PLEKHM3: variants seen among roughly 807,000 people sequenced by gnomAD.
PLEKHM3 encodes pleckstrin homology domain-containing family M member 3.
A neutral mutation model predicts 81.8 loss-of-function variants in PLEKHM3; 45 were observed. The observed-to-expected ratio is 0.55, with a 90% CI of 0.43 to 0.71. The LOEUF (loss-of-function observed/expected upper bound fraction) is 0.71. Among genes scored for constraint, PLEKHM3 ranks in the 30% least tolerant of loss-of-function variants. The pLI is 0.00. For missense variants in PLEKHM3, 788 were observed against 924.3 expected, an observed-to-expected ratio of 0.85 and a Z score of 1.91; for synonymous variants, 352 against 356.4, an observed-to-expected ratio of 0.99 and a Z score of 0.14.
intron 6 of PLEKHM3, among the ~76,000 whole-genome samples, chr2:207,894,562 G>A (rs1688158274): frequency 6.7e-6 from 1 of 149,234 alleles, no homozygotes; most frequent in Non-Finnish European, 1.5e-5. Context: ...AAATGGTGGT[G>A]GTTGGGGTGG....
rs77885129 is a variant in PLEKHM3 at position 207,891,111 on chromosome 2, G to A, written c.1950+17403C>T. Among the ~76,000 whole-genome samples the A allele has an allele frequency of 1.3e-3, 192 of 152,272 alleles. 1 individual carries two copies. In the East Asian group the frequency reaches 0.032, roughly 26 times the overall value. ...AAATAAATGTCAAATTGTTCATGTA[G>A]GAAACACCCTTTGTAACATTTCAGA... is the stretch of plus-strand genomic sequence containing the variant. On this transcript the variant is annotated intron_variant, in intron 6 of 7. Coordinates refer to ENST00000427836, the MANE Select transcript of PLEKHM3 (RefSeq NM_001080475.3).
At chr2:207,945,707 G>T (rs1278787109) in intron 4 of PLEKHM3, among the ~76,000 whole-genome samples, 1 of 152,140 alleles carries the variant, frequency 6.6e-6, no homozygotes, top group South Asian at 2.1e-4. Context: ...TTTGAGACCA[G>T]CCTGGGGAAC....
At chr2:207,987,265 C>G (rs1035732599) in intron 2 of PLEKHM3, among the ~76,000 whole-genome samples, 3 of 152,098 alleles carry the variant, frequency 2.0e-5, no homozygotes, top group African/African-American at 7.2e-5. Flanking sequence ...CAAACACCTA[C>G]CAGCCCTACT....
At chr2:207,966,953 G>C (rs1690936736) in intron 3 of PLEKHM3, among the ~76,000 whole-genome samples, 1 of 152,004 alleles carries the variant, frequency 6.6e-6, no homozygotes. Context: ...CTTCTTTATG[G>C]ATCTGTTTTG....
rs188486466 is a variant in PLEKHM3 at position 207,944,768 on chromosome 2, T to C, written c.1692+1599A>G. Reference sequence around the variant, plus strand: ...TCCAAGCAATAGCCAGACCCTCCTATTGTTCACGCAATTCCATCATTCTTA... The same window carrying C: ...TCCAAGCAATAGCCAGACCCTCCTACTGTTCACGCAATTCCATCATTCTTA... On this transcript the variant is annotated intron_variant, in intron 4 of 7. Coordinates refer to ENST00000427836, the MANE Select transcript of PLEKHM3 (RefSeq NM_001080475.3). Among the ~76,000 whole-genome samples, 3 of 152,324 alleles carry C rather than the reference T, an allele frequency of 2.0e-5. No homozygotes were observed. In the East Asian group the frequency reaches 5.8e-4, roughly 29 times the overall value.
intron 2 of PLEKHM3, among the ~76,000 whole-genome samples, chr2:207,995,943 T>C (rs1198586352): frequency 6.6e-6 from 1 of 152,180 alleles, no homozygotes. Context: ...AGAGAAAAGT[T>C]GAAAACGTTA....
At position 207,930,939 on chromosome 2, in the gene PLEKHM3, C is replaced by A; in HGVS notation, c.1873G>T (p.Asp625Tyr). The change falls in exon 5 of 8, where the codon GAT (aspartate) becomes TAT (tyrosine). Residue 625 changes from aspartate to tyrosine, a missense_variant. Physicochemically the swap from Asp to Tyr is radical, Grantham distance 160. Transcript: ENST00000427836. The stretch of plus-strand genomic sequence containing the variant: ...TATGACTCTTACCTGCGGCGGAGAT[C>A]CTCTGCCACCGCTGCCCGGCAGCTG... ...LFSCRAAVAEDLRRRIFPREY... is the reference protein window; with the variant it reads ...LFSCRAAVAEYLRRRIFPREY... The A allele has an allele frequency of 6.2e-7, 1 of 1,612,998 alleles. No individual in the cohort carries two copies. Among genetic ancestry groups the A allele is most frequent in the Non-Finnish European group, 8.5e-7 (1 of 1,179,092 alleles).
chr2:207,834,943 GTTT>G (rs1206255117), intron 7 of PLEKHM3, among the ~76,000 whole-genome samples: 1 of 140,138 alleles, frequency 7.1e-6, no homozygotes, highest in Non-Finnish European at 1.6e-5. Flanking sequence ...TCAACAACTT[GTTT>G]TTTTTTTTTT....
chr2:207,950,408 C>T (rs1031110878), intron 3 of PLEKHM3, among the ~76,000 whole-genome samples: 4 of 152,186 alleles, frequency 2.6e-5, no homozygotes, highest in South Asian at 2.1e-4. Flanking sequence ...ACAAAATAAA[C>T]GTGTTAGCTT....
chr2:207,924,191 T>C (rs1689307234), intron 5 of PLEKHM3, among the ~76,000 whole-genome samples: 1 of 151,580 alleles, frequency 6.6e-6, no homozygotes, highest in Admixed American at 6.6e-5. Context: ...AAGTGTGAGC[T>C]GCTGCGCCTG....
chr2:207,942,946 A>G (rs1399346205), intron 4 of PLEKHM3, among the ~76,000 whole-genome samples: 1 of 152,188 alleles, frequency 6.6e-6, no homozygotes, highest in Non-Finnish European at 1.5e-5. Context: ...GACAAGACAA[A>G]TATCACATAT....
intron 6 of PLEKHM3, among the ~76,000 whole-genome samples, chr2:207,880,790 C>CAAAA (rs1221176290): frequency 1.2e-4 from 4 of 33,570 alleles, no homozygotes; most frequent in Admixed American, 3.7e-4. Flanking sequence ...AAAAAAAAAC[C>CAAAA]AAAAAAACAA....
intron 7 of PLEKHM3, among the ~76,000 whole-genome samples, chr2:207,839,154 T>C (rs1360479151): frequency 1.3e-5 from 2 of 152,164 alleles, no homozygotes; most frequent in Non-Finnish European, 2.9e-5. Flanking sequence ...CCTAAGACTC[T>C]GAATGGGACT....
At position 207,878,843 on chromosome 2, in the gene PLEKHM3, T is replaced by A. The variant is rs369630923; in HGVS notation, c.1951-17581A>T. 2.5e-4 allele frequency among the ~76,000 whole-genome samples: 38 copies of A among 152,066 alleles called. 1 individual carries two copies. The highest frequency in any genetic ancestry group is 6.0e-4 in the African/African-American group (25 of 41,520). ...GGGTTTTTTTTATTTTTATTTTTTT[T>A]ATTTTTTTATTTTTTATTGAAAAGC... On this transcript the variant is annotated intron_variant, in intron 6 of 7. Coordinates refer to ENST00000427836, the MANE Select transcript of PLEKHM3 (RefSeq NM_001080475.3).
chr2:207,833,876 G>C (rs997975016), intron 7 of PLEKHM3, among the ~76,000 whole-genome samples: 6 of 152,142 alleles, frequency 3.9e-5, no homozygotes, highest in Non-Finnish European at 8.8e-5. Context: ...AACCAATAAG[G>C]TCCAGTGTAG....
In PLEKHM3 at chr2:208,012,804, G is replaced by C. The variant is rs146315830; in HGVS notation, c.-318-10847C>G. ...TGAGAAAGCAGAGAAGCACAAATGTGGACAAAGTATGTGAAAGTTCTTTAC... is the reference window on the plus strand; with the variant it reads ...TGAGAAAGCAGAGAAGCACAAATGTCGACAAAGTATGTGAAAGTTCTTTAC... On this transcript the variant is annotated intron_variant, in intron 1 of 7. Coordinates refer to ENST00000427836, the MANE Select transcript of PLEKHM3 (RefSeq NM_001080475.3). Among the ~76,000 whole-genome samples, 700 of 152,290 alleles carry C rather than the reference G, an allele frequency of 4.6e-3. 6 individuals are homozygous for C. Among genetic ancestry groups the C allele is most frequent in the African/African-American group, 0.016 (668 of 41,550 alleles).
At chr2:207,985,281 A>G (rs559216712) in intron 2 of PLEKHM3, among the ~76,000 whole-genome samples, 1 of 151,708 alleles carries the variant, frequency 6.6e-6, no homozygotes, top group South Asian at 2.1e-4. Context: ...CTAGGATAAA[A>G]TCTCATCCAT....
At chr2:207,892,503 C>G (rs566950903) in intron 6 of PLEKHM3, among the ~76,000 whole-genome samples, 1 of 152,162 alleles carries the variant, frequency 6.6e-6, no homozygotes, top group Non-Finnish European at 1.5e-5. Flanking sequence ...CTGGCCATAT[C>G]AGTTTCTCAG....
At position 207,821,518 on chromosome 2, in the gene PLEKHM3, A is replaced by G. The variant is rs766874923; in HGVS notation, c.*6801T>C. On this transcript the variant is annotated 3_prime_UTR_variant, in exon 8 of 8. Coordinates refer to ENST00000427836, the MANE Select transcript of PLEKHM3 (RefSeq NM_001080475.3). ...TCCAAAAAACAGAAAGAACACATAT[A>G]TAAGTTAGCACATTAGCTACTACAA... 2.6e-5 allele frequency: 4 copies of G among 152,232 alleles called. No homozygotes were observed. The highest frequency in any genetic ancestry group is 4.4e-5 in the Non-Finnish European group (3 of 68,044). The allele number at this position is 152,232 out of a possible 1,614,324, so 9.4% of individuals were successfully genotyped here.
Sources: allele counts gnomAD v4.1 joint callset (sites outside exome capture counted in the v4.1 genomes callset), GRCh38; gene constraint gnomAD v4.1.1; transcripts MANE v1.5; gene names NCBI Gene and HGNC (gene_info 2026-07-23, HGNC 2026-07-21).